ZFYVE28: variants seen among roughly 807,000 people sequenced by gnomAD.
ZFYVE28 encodes the protein zinc finger FYVE-type containing 28, also known as lateral signaling target protein 2 homolog.
Under a neutral mutation model 82.1 loss-of-function variants are expected in ZFYVE28, and 40 were observed. The ratio of observed to expected loss-of-function variants is 0.49; its 90% CI spans 0.38 to 0.63. The LOEUF is 0.63. Among genes scored for constraint, ZFYVE28 ranks in the 30% least tolerant of loss-of-function variants. ZFYVE28 has a pLI of 0.00. For synonymous variants in ZFYVE28, 612 were observed against 546.1 expected (o/e 1.12, Z -1.68); for missense variants, 1,321 against 1,242.1 (o/e 1.06, Z -0.96).
At position 2,417,678 on chromosome 4, in the gene ZFYVE28, G is replaced by GAGGCC. The variant is rs202068863; in HGVS notation, c.39+602_39+606dup. Reference sequence around the variant, plus strand: ...GTGGGTCAGTCCTGGTTCGGGAAGGGAGGCCGTTGGCAGGGCCATCAGGAT... The same window carrying GAGGCC: ...GTGGGTCAGTCCTGGTTCGGGAAGGGAGGCCAGGCCGTTGGCAGGGCCATCAGGAT... On this transcript the variant is annotated intron_variant, in intron 1 of 12. Coordinates refer to ENST00000290974, the MANE Select transcript of ZFYVE28 (RefSeq NM_020972.3). This position sits in a 1 kb window ranked among gnomAD's most constrained non-coding sequence, Gnocchi z 4.8. 0.02 allele frequency among the ~76,000 whole-genome samples: 3,112 copies of GAGGCC among 152,080 alleles called. 84 individuals carry two copies. Among genetic ancestry groups the GAGGCC allele is most frequent in the African/African-American group, 0.065 (2,710 of 41,504 alleles).
At chr4:2,379,431 T>C (rs1372337001) in intron 1 of ZFYVE28, among the ~76,000 whole-genome samples, 1 of 152,198 alleles carries the variant, frequency 6.6e-6, no homozygotes, top group African/African-American at 2.4e-5. Context: ...AAAACCAAGC[T>C]GACAGCTAAA....
rs987174296 is a variant in ZFYVE28 at position 2,300,789 on chromosome 4, C to T, written c.2051+3500G>A. On this transcript the variant is annotated intron_variant, in intron 8 of 12. Coordinates refer to ENST00000290974, the MANE Select transcript of ZFYVE28 (RefSeq NM_020972.3). This position sits in a 1 kb window ranked among gnomAD's most constrained non-coding sequence, Gnocchi z 4.6. Reference sequence around the variant, plus strand: ...GCGACTCGCACGTGAGACTGGAAGCCGTGAATCAAGGCCGTGCCCACTGTT... The same window carrying T: ...GCGACTCGCACGTGAGACTGGAAGCTGTGAATCAAGGCCGTGCCCACTGTT... Among the ~76,000 whole-genome samples the T allele has an allele frequency of 7.2e-5, 11 of 152,122 alleles. No individual in the cohort carries two copies. The highest frequency in any genetic ancestry group is 7.2e-5 in the African/African-American group (3 of 41,416).
intron 1 of ZFYVE28, among the ~76,000 whole-genome samples, chr4:2,400,292 C>T (rs3128781): frequency 0.85 from 129,294 of 152,210 alleles, 55,070 homozygotes; most frequent in Admixed American, 0.9. Context: ...CCATCAATGA[C>T]GCCCATCAAG....
intron 2 of ZFYVE28, among the ~76,000 whole-genome samples, chr4:2,351,388 T>C (rs1385240293): frequency 1.3e-5 from 2 of 152,166 alleles, no homozygotes; most frequent in Non-Finnish European, 2.9e-5. Flanking sequence ...AAGTCAATAG[T>C]ATTTCCATAT....
intron 1 of ZFYVE28, among the ~76,000 whole-genome samples, chr4:2,377,506 T>C (rs192844661): frequency 3.5e-4 from 54 of 152,368 alleles, no homozygotes; most frequent in Middle Eastern, 3.4e-3. Flanking sequence ...AACGAGCATC[T>C]GTAAATGGTT....
At chr4:2,321,875 C>A (rs937220892) in intron 6 of ZFYVE28, among the ~76,000 whole-genome samples, 4 of 152,158 alleles carry the variant, frequency 2.6e-5, no homozygotes, top group Admixed American at 2.6e-4. Flanking sequence ...CCCAGCTGCC[C>A]CCCAGGGCAG....
intron 1 of ZFYVE28, among the ~76,000 whole-genome samples, chr4:2,391,217 T>C (rs904782509): frequency 2.0e-5 from 3 of 152,200 alleles, no homozygotes; most frequent in Non-Finnish European, 2.9e-5. Context: ...TTAGTGCCTT[T>C]TTACAATTCC....
chr4:2,385,743 C>G (rs1409101295), intron 1 of ZFYVE28, among the ~76,000 whole-genome samples: 1 of 151,748 alleles, frequency 6.6e-6, no homozygotes, highest in Non-Finnish European at 1.5e-5. Context: ...ACAAAAAAAA[C>G]AAAAAACACA....
chr4:2,308,013 T>A (rs1318373445), intron 7 of ZFYVE28, among the ~76,000 whole-genome samples: 1 of 152,208 alleles, frequency 6.6e-6, no homozygotes, highest in Non-Finnish European at 1.5e-5. Context: ...TATGCATTGG[T>A]CTGTTCTAGA....
chr4:2,285,605 C>G (rs1712612167), intron 8 of ZFYVE28: 1 of 152,352 alleles, frequency 6.6e-6, no homozygotes, highest in Non-Finnish European at 1.5e-5. Context: ...CACCACAGCT[C>G]CTGACTGCAG....
chr4:2,273,053 G>A (rs1196183085), intron 10 of ZFYVE28, 120 bp downstream of exon 10: 3 of 794,756 alleles, frequency 3.8e-6, no homozygotes, highest in Non-Finnish European at 4.1e-6. Flanking sequence ...GTCGACGATT[G>A]CTTGGTCGGG....
At chr4:2,319,315 A>G (rs1718695117) in intron 7 of ZFYVE28, among the ~76,000 whole-genome samples, 1 of 152,152 alleles carries the variant, frequency 6.6e-6, no homozygotes, top group South Asian at 2.1e-4. Context: ...ACATGGACTG[A>G]ACCAAGCACC....
chr4:2,293,036 C>T (rs1271245189), intron 8 of ZFYVE28, among the ~76,000 whole-genome samples: 1 of 151,550 alleles, frequency 6.6e-6, no homozygotes, highest in African/African-American at 2.4e-5. Context: ...AACAGGAGAA[C>T]CATGTGATTA....
At position 2,341,707 on chromosome 4, in the gene ZFYVE28, TG is replaced by T; in HGVS notation, c.181-93del. 1 of 1,517,578 alleles carries T rather than the reference TG, an allele frequency of 6.6e-7. No individual in the cohort carries two copies. The highest frequency in any genetic ancestry group is 9.0e-7 in the Non-Finnish European group (1 of 1,116,392). 94.0% of individuals were successfully genotyped at this position (1,517,578 alleles called of 1,614,324 possible). A position where few individuals can be genotyped will look rare whatever the true frequency, so the allele number is the denominator to read the frequency against. The stretch of plus-strand genomic sequence containing the variant: ...GGAAAACACGCACGGTGCATGTGAC[TG>T]TTTTTTAGGATTATTAAAGTGATAG... On this transcript the variant is annotated intron_variant, in intron 2 of 12. Transcript: ENST00000290974. The surrounding 1 kb of genome is among the most constrained non-coding windows in gnomAD (Gnocchi z 4.5).
intron 8 of ZFYVE28, among the ~76,000 whole-genome samples, chr4:2,278,468 G>T (rs1202064704): frequency 6.6e-6 from 1 of 152,008 alleles, no homozygotes; most frequent in African/African-American, 2.4e-5. Context: ...GATTACAGGC[G>T]TGAGCCACGG....
intron 1 of ZFYVE28, among the ~76,000 whole-genome samples, chr4:2,388,126 C>T (rs1304487719): frequency 2.6e-5 from 4 of 152,200 alleles, no homozygotes; most frequent in African/African-American, 4.8e-5. Flanking sequence ...GCACACACTG[C>T]CCCCCAGTCC....
chr4:2,357,348 G>C (rs1463798581), intron 1 of ZFYVE28, among the ~76,000 whole-genome samples: 4 of 152,174 alleles, frequency 2.6e-5, no homozygotes, highest in Non-Finnish European at 4.4e-5. Flanking sequence ...GAGGGGAAGA[G>C]CCAAGAACAG....
intron 8 of ZFYVE28, among the ~76,000 whole-genome samples, chr4:2,289,530 C>G (rs1445835338): frequency 6.6e-6 from 1 of 152,176 alleles, no homozygotes; most frequent in East Asian, 1.9e-4. Flanking sequence ...ATCAAAGAGG[C>G]CAGCCCTCTG....
Position 2,362,824 on chromosome 4 carries a change from C to T in ZFYVE28, c.40-8751G>A, listed in dbSNP as rs889216862. Among the ~76,000 whole-genome samples, 1 of 152,010 alleles carries T rather than the reference C, an allele frequency of 6.6e-6. No individual in the cohort carries two copies. The highest frequency in any genetic ancestry group is 2.4e-5 in the African/African-American group (1 of 41,418). On this transcript the variant is annotated intron_variant, in intron 1 of 12. Coordinates refer to ENST00000290974, the MANE Select transcript of ZFYVE28 (RefSeq NM_020972.3). The surrounding 1 kb of genome is among the most constrained non-coding windows in gnomAD (Gnocchi z 5.1). Reference sequence around the variant, plus strand: ...TGGGGTCAGGGAGCTGCAGTGGGCACGCTGGGTCAGCAGGAGGCCTGGCAG... The same window carrying T: ...TGGGGTCAGGGAGCTGCAGTGGGCATGCTGGGTCAGCAGGAGGCCTGGCAG...
Sources: gnomAD v4.1 joint callset for allele counts (sites outside exome capture counted in the v4.1 genomes callset) on GRCh38, gnomAD v4.1.1 for gene constraint, Gnocchi (gnomAD v3.1) non-coding constraint, MANE v1.5 for transcripts, NCBI Gene and HGNC (gene_info 2026-07-23, HGNC 2026-07-21) for gene names.